Variants in KCNK2 observed in about 807,000 individuals in gnomAD.
KCNK2 encodes the protein potassium channel subfamily K member 2.
In KCNK2, 21 loss-of-function variants were observed where a neutral mutation model predicts 40.5. The ratio of observed to expected loss-of-function variants is 0.52; its 90% CI spans 0.37 to 0.75. The LOEUF is 0.75. KCNK2 is among the 30% of genes least tolerant of loss of function. The pLI, the probability that KCNK2 is intolerant of heterozygous loss-of-function variation, is 0.00. For synonymous variants in KCNK2, 191 were observed against 202.2 expected, an observed-to-expected ratio of 0.94 and a Z score of 0.47; for missense variants, 399 against 531.6, an observed-to-expected ratio of 0.75 and a Z score of 2.45.
chr1:215,132,124 G>A (rs974607792), intron 3 of KCNK2, among the ~76,000 whole-genome samples: 1 of 152,178 alleles, frequency 6.6e-6, no homozygotes, highest in Non-Finnish European at 1.5e-5. Flanking sequence ...ACTGAACACC[G>A]CAAAGCCTAT....
At chr1:215,033,757 G>T (rs926890924) in intron 1 of KCNK2, among the ~76,000 whole-genome samples, 4 of 152,160 alleles carry the variant, frequency 2.6e-5, no homozygotes, top group Non-Finnish European at 4.4e-5. Context: ...CAGCAGGTAG[G>T]CTGTGGTTAA....
intron 3 of KCNK2, among the ~76,000 whole-genome samples, chr1:215,137,041 A>G (rs1012961078): frequency 3.3e-5 from 5 of 152,172 alleles, no homozygotes; most frequent in African/African-American, 1.2e-4. Flanking sequence ...GAAGGGGATT[A>G]TGTTTCAAAA....
At chr1:215,012,149 T>C (rs1356198234) in intron 1 of KCNK2, among the ~76,000 whole-genome samples, 2 of 152,216 alleles carry the variant, frequency 1.3e-5, no homozygotes, top group Admixed American at 1.3e-4. Context: ...ATGCAAGTTT[T>C]CATTCTTCTA....
In KCNK2 at chr1:215,223,241, T is replaced by TAAAAAAA. The variant is rs56890763; in HGVS notation, c.964-11572_964-11566dup. ...TATCTGTACAGAATAAGCTCTTTTC[T>TAAAAAAA]AAAAAAAAAAAAAAAAAAAAAGTCA... is the stretch of plus-strand genomic sequence containing the variant. On this transcript the variant is annotated intron_variant, in intron 6 of 6. Transcript: ENST00000444842. Among the ~76,000 whole-genome samples, 483 of 112,022 alleles carry TAAAAAAA rather than the reference T, an allele frequency of 4.3e-3. 14 individuals are homozygous for TAAAAAAA. The South Asian group carries it at 0.045, about 10-fold the overall frequency. The allele number at this position is 112,022 out of a possible 152,430, so 73.5% of individuals were successfully genotyped here.
intron 6 of KCNK2, among the ~76,000 whole-genome samples, chr1:215,231,875 A>G (rs1214352518): frequency 1.3e-5 from 2 of 152,132 alleles, no homozygotes; most frequent in Non-Finnish European, 2.9e-5. Context: ...CAAGAGAGCA[A>G]ATGCAGGGGA....
intron 3 of KCNK2, among the ~76,000 whole-genome samples, chr1:215,126,551 A>T (rs553109757): frequency 1.3e-5 from 2 of 152,320 alleles, no homozygotes; most frequent in Admixed American, 6.5e-5. Flanking sequence ...TCAAAAGTCT[A>T]AGTTATAACT....
At chr1:215,169,865 T>G (rs1018690857) in intron 4 of KCNK2, among the ~76,000 whole-genome samples, 2 of 152,078 alleles carry the variant, frequency 1.3e-5, no homozygotes, top group Admixed American at 1.3e-4. Flanking sequence ...AGGTTGATCT[T>G]GAACTCCCGA....
At chr1:215,184,763 G>A (rs1267306922) in intron 5 of KCNK2, among the ~76,000 whole-genome samples, 1 of 152,018 alleles carries the variant, frequency 6.6e-6, no homozygotes, top group Non-Finnish European at 1.5e-5. Context: ...GGGATTATGG[G>A]AACTACAATT....
chr1:215,179,590 T>G (rs1289969241), intron 5 of KCNK2, among the ~76,000 whole-genome samples: 1 of 152,130 alleles, frequency 6.6e-6, no homozygotes, highest in Non-Finnish European at 1.5e-5. Context: ...AATAATTTTT[T>G]TAATTTCTAG....
At chr1:215,076,974 G>A (rs1182275005) in intron 1 of KCNK2, among the ~76,000 whole-genome samples, 1 of 152,168 alleles carries the variant, frequency 6.6e-6, no homozygotes, top group Non-Finnish European at 1.5e-5. Flanking sequence ...ACCTGGACTT[G>A]GTCATCATGG....
At chr1:215,008,692 C>G (rs1478112060) in intron 1 of KCNK2, among the ~76,000 whole-genome samples, 1 of 152,056 alleles carries the variant, frequency 6.6e-6, no homozygotes, top group Non-Finnish European at 1.5e-5. Flanking sequence ...CTTTGAGGTC[C>G]TAGAAATTCT....
chr1:215,126,781 G>A (rs1481500232), intron 3 of KCNK2, among the ~76,000 whole-genome samples: 1 of 152,054 alleles, frequency 6.6e-6, no homozygotes, highest in Admixed American at 6.6e-5. Flanking sequence ...GGCCCTTTAG[G>A]TAGTTGCCTG....
At chr1:215,123,403 AT>A (rs1003003740) in intron 2 of KCNK2, among the ~76,000 whole-genome samples, 1,945 of 144,956 alleles carry the variant, frequency 0.013, 31 homozygotes, top group African/African-American at 0.042. Flanking sequence ...GTATTTTCTT[AT>A]TTTTTTTTTT....
chr1:215,212,417 CATGTATTTGATTTGA>C (rs1665780427), intron 6 of KCNK2, among the ~76,000 whole-genome samples: 1 of 151,962 alleles, frequency 6.6e-6, no homozygotes, highest in South Asian at 2.1e-4. Context: ...ATTTGAAGGG[CATGTATTTGATTTGA>C]AAGGTGAAAT....
chr1:215,005,766 C>G (rs1161922206), upstream of KCNK2: 1 of 650,206 alleles, frequency 1.5e-6, no homozygotes, highest in Non-Finnish European at 2.8e-6. Context: ...GGAAACTGAT[C>G]TACAGGGTAA....
intron 3 of KCNK2, among the ~76,000 whole-genome samples, chr1:215,144,704 C>T (rs1439597486): frequency 6.6e-6 from 1 of 152,010 alleles, no homozygotes; most frequent in Non-Finnish European, 1.5e-5. Flanking sequence ...AATGATTTTG[C>T]TTAAAAAATT....
At chr1:215,102,229 C>T (rs1297759917) in intron 2 of KCNK2, among the ~76,000 whole-genome samples, 3 of 151,956 alleles carry the variant, frequency 2.0e-5, no homozygotes, top group African/African-American at 7.2e-5. Context: ...GAACAGCTTC[C>T]AGTGGGACAA....
intron 1 of KCNK2, among the ~76,000 whole-genome samples, chr1:215,084,624 A>C (rs1050850382): frequency 2.6e-5 from 4 of 152,182 alleles, no homozygotes; most frequent in Non-Finnish European, 5.9e-5. Flanking sequence ...AGCATTAAAC[A>C]CATGCCCAGT....
upstream of KCNK2, among the ~76,000 whole-genome samples, chr1:215,082,702 G>A (rs966718951): frequency 2.0e-5 from 3 of 151,970 alleles, no homozygotes; most frequent in Non-Finnish European, 4.4e-5. Flanking sequence ...ACAGGAGGGG[G>A]AGGAGGCGAA....
Sources: allele counts gnomAD v4.1 joint callset (sites outside exome capture counted in the v4.1 genomes callset), GRCh38; gene constraint gnomAD v4.1.1; transcripts MANE v1.5; gene names NCBI Gene and HGNC (gene_info 2026-07-23, HGNC 2026-07-21).